CNBD1: variants seen among roughly 807,000 people sequenced by gnomAD.
CNBD1 encodes the protein cyclic nucleotide binding domain containing 1, also known as cyclic nucleotide-binding domain-containing protein 1.
CNBD1 carries 71 observed loss-of-function variants against 54.4 expected under a neutral mutation model. The observed-to-expected ratio is 1.30, with a 90% confidence interval of 1.08 to 1.59. CNBD1 has a LOEUF of 1.59. CNBD1 is among the 40% of genes most tolerant of loss of function. The pLI is 0.00. For synonymous variants in CNBD1, 182 were observed against 170.7 expected (o/e 1.07, Z -0.51); for missense variants, 659 against 518.0 (o/e 1.27, Z -2.64).
At chr8:86,986,156 C>T (rs1258412042) in intron 4 of CNBD1, among the ~76,000 whole-genome samples, 1 of 152,072 alleles carries the variant, frequency 6.6e-6, no homozygotes, top group Non-Finnish European at 1.5e-5. Context: ...TCTCGAACTC[C>T]TGACTTCGTG....
intron 4 of CNBD1, among the ~76,000 whole-genome samples, chr8:87,014,093 G>A (rs76984367): frequency 0.059 from 8,914 of 151,432 alleles, 821 homozygotes; most frequent in African/African-American, 0.2. Context: ...AAAAATATAT[G>A]AAGAGCTCTA....
chr8:87,183,148 G>T (rs1248483937), intron 4 of CNBD1, among the ~76,000 whole-genome samples: 3 of 152,082 alleles, frequency 2.0e-5, no homozygotes, highest in Non-Finnish European at 4.4e-5. Flanking sequence ...ACCATTTATT[G>T]AATAGTGAGT....
chr8:87,000,989 C>T (rs1345912166), intron 4 of CNBD1, among the ~76,000 whole-genome samples: 1 of 152,072 alleles, frequency 6.6e-6, no homozygotes, highest in Non-Finnish European at 1.5e-5. Context: ...ACTTTAGAAA[C>T]ATTTTTCTAC....
At chr8:86,916,027 C>G (rs1809178876) in intron 3 of CNBD1, among the ~76,000 whole-genome samples, 3 of 151,976 alleles carry the variant, frequency 2.0e-5, no homozygotes, top group Non-Finnish European at 1.5e-5. Context: ...TATTTCCTTC[C>G]CTGTATCCCA....
intron 4 of CNBD1, among the ~76,000 whole-genome samples, chr8:87,109,640 G>A (rs373471094): frequency 3.0e-4 from 45 of 149,760 alleles, no homozygotes; most frequent in Middle Eastern, 3.5e-3. Context: ...CTGGGTTCAC[G>A]CCATTCTCCT....
At chr8:87,279,461 G>A (rs1362663867) in intron 6 of CNBD1, among the ~76,000 whole-genome samples, 1 of 151,282 alleles carries the variant, frequency 6.6e-6, no homozygotes, top group Non-Finnish European at 1.5e-5. Context: ...TTGTCATATT[G>A]CCTAAAGCAA....
At chr8:87,124,594 T>C (rs893719602) in intron 4 of CNBD1, among the ~76,000 whole-genome samples, 1 of 151,692 alleles carries the variant, frequency 6.6e-6, no homozygotes, top group Admixed American at 6.6e-5. Context: ...TTTGACAAAA[T>C]TCAACACCCT....
chr8:87,335,924 T>TGC (rs1267978413), intron 8 of CNBD1, among the ~76,000 whole-genome samples: 1 of 152,174 alleles, frequency 6.6e-6, no homozygotes, highest in Non-Finnish European at 1.5e-5. Flanking sequence ...CCTCAGCATT[T>TGC]GCTTGTCTGA....
intron 4 of CNBD1, among the ~76,000 whole-genome samples, chr8:86,964,073 G>T (rs1022935703): frequency 7.2e-5 from 11 of 152,224 alleles, no homozygotes; most frequent in Non-Finnish European, 1.5e-4. Context: ...AAAGGCCAAG[G>T]TGGCCACTTC....
chr8:87,096,155 G>A (rs1031808671), intron 4 of CNBD1, among the ~76,000 whole-genome samples: 6 of 152,262 alleles, frequency 3.9e-5, no homozygotes, highest in African/African-American at 1.4e-4. Flanking sequence ...AGCTTGGGCT[G>A]CCACAACAAA....
rs1051271764 is a variant in CNBD1 at position 87,229,685 on chromosome 8, T to C, written c.578-7234T>C. ...TAACTCCATTTACAATGTTAAATTT[T>C]TTGTTTGAATAAGGATCATTTTCCT... is the stretch of plus-strand genomic sequence containing the variant. On this transcript the variant is annotated intron_variant, in intron 5 of 10. Transcript: ENST00000518476. 1.9e-4 allele frequency among the ~76,000 whole-genome samples: 29 copies of C among 152,178 alleles called. 1 individual carries two copies. The highest frequency in any genetic ancestry group is 7.3e-5 in the Non-Finnish European group (5 of 68,028).
chr8:87,334,975 C>T (rs920423603), intron 8 of CNBD1, among the ~76,000 whole-genome samples: 8 of 152,026 alleles, frequency 5.3e-5, no homozygotes, highest in African/African-American at 1.9e-4. Context: ...CCACCCACCT[C>T]GGCCTCCCAA....
intron 4 of CNBD1, among the ~76,000 whole-genome samples, chr8:87,010,832 A>T (rs181505612): frequency 0.023 from 3,525 of 152,130 alleles, 52 homozygotes; most frequent in Non-Finnish European, 0.037. Context: ...ATTTTTTTTT[A>T]AATTGATATC....
At chr8:87,312,985 AC>A (rs1229075678) in intron 8 of CNBD1, among the ~76,000 whole-genome samples, 1 of 151,994 alleles carries the variant, frequency 6.6e-6, no homozygotes, top group African/African-American at 2.4e-5. Flanking sequence ...TTCGCAAACG[AC>A]ATACTCTAAG....
At chr8:87,201,250 T>G (rs1563505410) in intron 4 of CNBD1, among the ~76,000 whole-genome samples, 1 of 152,114 alleles carries the variant, frequency 6.6e-6, no homozygotes, top group Non-Finnish European at 1.5e-5. Flanking sequence ...CTTAATCTAA[T>G]AAACAGCATC....
chr8:86,882,424 C>G (rs762166114), intron 1 of CNBD1, among the ~76,000 whole-genome samples: 1 of 152,022 alleles, frequency 6.6e-6, no homozygotes, highest in Non-Finnish European at 1.5e-5. Flanking sequence ...TGGAAAAAAG[C>G]TCAACATCAC....
chr8:87,397,987 C>A (rs1811439716), intron 2 of CNBD1, among the ~76,000 whole-genome samples: 1 of 151,856 alleles, frequency 6.6e-6, no homozygotes, highest in South Asian at 2.1e-4. Flanking sequence ...TGAGGCCTCC[C>A]CAGCCATGTG....
chr8:87,219,483 A>G (rs1197276540), intron 5 of CNBD1, among the ~76,000 whole-genome samples: 3 of 151,974 alleles, frequency 2.0e-5, no homozygotes, highest in Non-Finnish European at 2.9e-5. Flanking sequence ...ACCACAAATC[A>G]ATGAATACAT....
At position 87,183,453 on chromosome 8, in the gene CNBD1, T is replaced by A. The variant is rs576838831; in HGVS notation, c.432-22540T>A. On this transcript the variant is annotated intron_variant, in intron 4 of 10. Transcript: ENST00000518476. Reference sequence around the variant, plus strand: ...CCACATTTGTATTGTTTTACCACTTTCTTTGGATTGAGTTTCAGACTCCTC... The same window carrying A: ...CCACATTTGTATTGTTTTACCACTTACTTTGGATTGAGTTTCAGACTCCTC... Among the ~76,000 whole-genome samples, 193 of 151,572 alleles carry A rather than the reference T, an allele frequency of 1.3e-3. 1 individual carries two copies. In the Middle Eastern group the frequency reaches 0.024, roughly 19 times the overall value.
Sources: allele counts gnomAD v4.1 joint callset (sites outside exome capture counted in the v4.1 genomes callset), GRCh38; gene constraint gnomAD v4.1.1; transcripts MANE v1.5; gene names NCBI Gene and HGNC (gene_info 2026-07-23, HGNC 2026-07-21).